The following P4HA2 variants were observed in gnomAD, a reference collection of about 807,000 sequenced individuals.
P4HA2 encodes prolyl 4-hydroxylase subunit alpha-2.
Under a neutral mutation model 76.9 loss-of-function variants are expected in P4HA2, and 46 were observed. The ratio of observed to expected loss-of-function variants is 0.60; its 90% confidence interval spans 0.47 to 0.76. The LOEUF (loss-of-function observed/expected upper bound fraction) is 0.76, where lower values mean the gene tolerates loss of function less well. Among genes scored for constraint, P4HA2 ranks in the 30% least tolerant of loss-of-function variants. P4HA2 has a pLI of 0.00. For missense variants in P4HA2, 583 were observed against 669.4 expected (o/e 0.87, Z 1.42); for synonymous variants, 243 against 254.0 (o/e 0.96, Z 0.41).
chr5:132,209,549 G>A (rs1392168541), intron 6 of P4HA2, among the ~76,000 whole-genome samples: 2 of 152,242 alleles, frequency 1.3e-5, no homozygotes, highest in East Asian at 1.9e-4. Flanking sequence ...TTGGGAGGCC[G>A]AGGCGGGTGG....
rs1333441471 is a variant in P4HA2 at position 132,214,007 on chromosome 5, A to G, written c.378T>C (p.Asp126=). The G allele has an allele frequency of 6.2e-7, 1 of 1,614,016 alleles. No homozygotes were observed. Among genetic ancestry groups the G allele is most frequent in the Non-Finnish European group, 8.5e-7 (1 of 1,179,992 alleles). ...CTTTGGCAGCTCCTATCTCGTCCTCATCAGTGGGGAAGAACTGCCGCTGCA... is the reference window on the plus strand; with the variant it reads ...CTTTGGCAGCTCCTATCTCGTCCTCGTCAGTGGGGAAGAACTGCCGCTGCA... The part of the protein sequence containing the change: ...LSVQRQFFPT[D]EDEIGAAKAL... Residue 126 remains aspartate, a synonymous_variant, in exon 5 of 15, where the codon GAT becomes GAC. Transcript: ENST00000360568.
At chr5:132,223,991 G>T (rs1755000697) in intron 1 of P4HA2, among the ~76,000 whole-genome samples, 1 of 152,194 alleles carries the variant, frequency 6.6e-6, no homozygotes, top group Admixed American at 6.5e-5. Flanking sequence ...CCAGGTTAAG[G>T]ACTTTATCAT....
intron 7 of P4HA2, 99 bp downstream of exon 7, chr5:132,209,039 A>C: frequency 1.2e-6 from 1 of 820,272 alleles, no homozygotes; most frequent in Non-Finnish European, 2.0e-6. Flanking sequence ...TACTGAGAAA[A>C]GTACCTACAG....
intron 12 of P4HA2, among the ~76,000 whole-genome samples, chr5:132,197,319 C>A (rs1750774254): frequency 6.6e-6 from 1 of 152,026 alleles, no homozygotes; most frequent in Non-Finnish European, 1.5e-5. Context: ...CAAAAAGGAA[C>A]CAGAATGGCA....
intron 3 of P4HA2, 144 bp downstream of exon 3, chr5:132,217,608 C>A (rs1561493279): frequency 1.5e-6 from 1 of 688,218 alleles, no homozygotes. Flanking sequence ...TAGCTCCTCT[C>A]AAGCACTGGC....
At chr5:132,196,739 T>C (rs1750695705) in intron 12 of P4HA2, among the ~76,000 whole-genome samples, 1 of 151,354 alleles carries the variant, frequency 6.6e-6, no homozygotes, top group Non-Finnish European at 1.5e-5. Flanking sequence ...TGCACGCCTA[T>C]AATCCCAGCT....
chr5:132,219,221 C>A (rs1252486184), intron 1 of P4HA2, among the ~76,000 whole-genome samples: 1 of 152,194 alleles, frequency 6.6e-6, no homozygotes, highest in Non-Finnish European at 1.5e-5. Context: ...TCAGTCTGCA[C>A]CTGCCAGAGA....
chr5:132,198,504 T>C, intron 11 of P4HA2, 124 bp from the exon 12 acceptor site: 1 of 882,888 alleles, frequency 1.1e-6, no homozygotes, highest in Non-Finnish European at 1.8e-6. Context: ...CTGGAATATG[T>C]GCCAAAGCTG....
In P4HA2 at chr5:132,211,137, T is replaced by G. The variant is rs115720742; in HGVS notation, c.470-614A>C. Reference sequence around the variant, plus strand: ...GGGAGGCCAAGAGCCAAGGTTGCAGTGCCAGCTTTGGCTGTTAAGTGGCAG... The same window carrying G: ...GGGAGGCCAAGAGCCAAGGTTGCAGGGCCAGCTTTGGCTGTTAAGTGGCAG... On this transcript the variant is annotated intron_variant, in intron 5 of 14. Transcript: ENST00000360568. 4.5e-3 allele frequency among the ~76,000 whole-genome samples: 683 copies of G among 152,324 alleles called. 6 individuals are homozygous for G. Among genetic ancestry groups the G allele is most frequent in the African/African-American group, 0.015 (610 of 41,568 alleles).
rs1750076804 is a variant in P4HA2, at chr5:132,193,051, GTCCTCGT to G, written c.1554_1560del (p.Glu518AspfsTer5). 6.2e-7 allele frequency: 1 copy of G among 1,613,026 alleles called. No homozygotes were observed. The highest frequency in any genetic ancestry group is 8.5e-7 in the Non-Finnish European group (1 of 1,178,990). ...GATCCACAAGGTCTCAAGAACTCCT[GTCCTCGT>G]TCATGGAACCACTTATTGGAGACTG... On this transcript the variant is annotated frameshift_variant, in exon 15 of 15. Coordinates refer to ENST00000360568, the MANE Select transcript of P4HA2 (RefSeq NM_001017974.2). LOFTEE classifies it high-confidence loss of function.
At chr5:132,198,956 C>G (rs1229350667) in intron 10 of P4HA2, 24 bp from the exon 11 acceptor site, 1 of 1,556,898 alleles carries the variant, frequency 6.4e-7, no homozygotes, top group African/African-American at 1.4e-5. Flanking sequence ...CAGCATTAGA[C>G]CTTGTAAGCA....
chr5:132,204,771 A>G (rs1021487177), intron 8 of P4HA2, among the ~76,000 whole-genome samples: 13 of 152,224 alleles, frequency 8.5e-5, no homozygotes, highest in African/African-American at 2.9e-4. Context: ...CCAGGAAAAG[A>G]TTCTGTAAGT....
Position 132,218,614 on chromosome 5 carries a change from C to T in P4HA2, c.13G>A (p.Val5Met). The T allele has an allele frequency of 1.2e-6, 2 of 1,613,464 alleles. No homozygotes were observed. The highest frequency in any genetic ancestry group is 2.2e-5 in the East Asian group (1 of 44,886). The part of the protein sequence containing the change: MKLW[V>M]SALLMAWFGV... ...AACCAGGCCATCAGCAATGCAGACACCCAGAGTTTCATGGTCACAGAGGGA... is the reference window on the plus strand; with the variant it reads ...AACCAGGCCATCAGCAATGCAGACATCCAGAGTTTCATGGTCACAGAGGGA... Residue 5 changes from valine (V) to methionine (M), a missense_variant, in exon 2 of 15, where the codon GTG becomes ATG. Transcript: ENST00000360568.
intron 1 of P4HA2, among the ~76,000 whole-genome samples, chr5:132,219,819 A>G (rs75553661): frequency 0.02 from 3,022 of 151,902 alleles, 107 homozygotes; most frequent in African/African-American, 0.068. Flanking sequence ...CACACCCACC[A>G]TTCCTCATCT....
chr5:132,213,888 A>G, intron 5 of P4HA2, 28 bp downstream of exon 5: 1 of 1,611,674 alleles, frequency 6.2e-7, no homozygotes, highest in Non-Finnish European at 8.5e-7. Context: ...CACATGCGGG[A>G]CAGGCAACGC....
chr5:132,198,340 A>G lies in P4HA2; in HGVS notation c.1346T>C (p.Leu449Ser). The G allele has an allele frequency of 1.2e-6, 2 of 1,614,036 alleles. No homozygotes were observed. The highest frequency in any genetic ancestry group is 1.7e-6 in the Non-Finnish European group (2 of 1,180,030). The change falls in exon 12 of 15, where the codon TTA becomes TCA. Residue 449 changes from leucine to serine, a missense_variant. Physicochemically the swap from Leu to Ser is moderately radical, Grantham distance 145. Coordinates refer to ENST00000360568, the MANE Select transcript of P4HA2 (RefSeq NM_001017974.2). ...DSGLKTEGNR[L>S]ATFLNYMSDV... ...ACTTACGTAGTTAAGAAACGTCGCT[A>G]ACCTATTCCCCTCTGTTTTGAGGCC... is the stretch of plus-strand genomic sequence containing the variant.
chr5:132,212,571 C>G (rs1300497460), intron 5 of P4HA2, among the ~76,000 whole-genome samples: 2 of 152,090 alleles, frequency 1.3e-5, no homozygotes, highest in African/African-American at 4.8e-5. Context: ...ACATGAAGTT[C>G]GAGAAGTCCA....
At chr5:132,202,239 C>G (rs1461420049) in intron 10 of P4HA2, 1 of 152,118 alleles carries the variant, frequency 6.6e-6, no homozygotes, top group African/African-American at 2.4e-5. Context: ...TTTCACAGTA[C>G]TATTTGCAAG....
rs1754282944 is a variant in P4HA2 at position 132,218,933 on chromosome 5, G to A, written c.-18-289C>T. ...TACCATGAGAAGGCGGAATCGCAGT[G>A]GGGTACAGTCAGCTCGGGTTCCAAT... On this transcript the variant is annotated intron_variant, in intron 1 of 14. Transcript: ENST00000360568. Among the ~76,000 whole-genome samples, 3 of 152,300 alleles carry A rather than the reference G, an allele frequency of 2.0e-5. No individual in the cohort carries two copies. In the East Asian group the frequency reaches 5.8e-4, roughly 29 times the overall value.
Sources: gnomAD v4.1 joint callset for allele counts (sites outside exome capture counted in the v4.1 genomes callset) on GRCh38, gnomAD v4.1.1 for gene constraint, MANE v1.5 for transcripts, NCBI Gene and HGNC (gene_info 2026-07-23, HGNC 2026-07-21) for gene names.